DYSF: variants seen among roughly 807,000 people sequenced by gnomAD.
The protein encoded by DYSF is dystrophy-associated fer-1-like 1.
A neutral mutation model predicts 274.9 loss-of-function variants in DYSF; 212 were observed. The observed-to-expected ratio is 0.77, with a 90% confidence interval of 0.69 to 0.86. DYSF has a LOEUF of 0.86. Among genes scored for constraint, DYSF ranks in the 40% least tolerant of loss-of-function variants. DYSF has a pLI of 0.00. For synonymous variants in DYSF, 1,091 were observed against 1,078.7 expected, an observed-to-expected ratio of 1.01 and a Z score of -0.22; for missense variants, 2,666 against 2,783.2, an observed-to-expected ratio of 0.96 and a Z score of 0.95.
chr2:71,520,815 C>T lies in DYSF; in HGVS notation c.1060C>T (p.Leu354=), dbSNP rs369378511. Residue 354 remains leucine, a synonymous_variant, in exon 12 of 56, where the codon CTG becomes TTG. Coordinates refer to ENST00000410020, the MANE Select transcript of DYSF (RefSeq NM_001130987.2). ...GCACGCCTATCTCAGGAAGTGGCTG[C>T]TGCTCTCAGACCCTGATGACTTCTC... ...PRHAYLRKWL[L]LSDPDDFSAG... The T allele has an allele frequency of 3.1e-6, 5 of 1,613,766 alleles. No homozygotes were observed. The highest frequency in any genetic ancestry group is 4.2e-6 in the Non-Finnish European group (5 of 1,179,978).
chr2:71,506,299 G>A (rs182990492), intron 4 of DYSF, among the ~76,000 whole-genome samples: 393 of 152,268 alleles, frequency 2.6e-3, no homozygotes, highest in African/African-American at 9.2e-3. Flanking sequence ...GAGGTCATTC[G>A]CCTTCAGTTT....
chr2:71,632,356 G>T (rs2094328972), intron 41 of DYSF, among the ~76,000 whole-genome samples: 1 of 152,200 alleles, frequency 6.6e-6, no homozygotes, highest in Non-Finnish European at 1.5e-5. Flanking sequence ...TATTTGAAAA[G>T]TAATGTGATT....
intron 45 of DYSF, among the ~76,000 whole-genome samples, chr2:71,661,938 CA>C (rs2094888906): frequency 6.6e-6 from 1 of 152,034 alleles, no homozygotes; most frequent in Admixed American, 6.5e-5. Flanking sequence ...GTATGAGTTC[CA>C]GGGGCTGGCG....
intron 38 of DYSF, among the ~76,000 whole-genome samples, chr2:71,612,089 A>G (rs578197888): frequency 7.1e-4 from 108 of 152,218 alleles, no homozygotes; most frequent in Non-Finnish European, 1.3e-3. Flanking sequence ...TGGCCAGAGT[A>G]AGGCAGGTCT....
intron 41 of DYSF, among the ~76,000 whole-genome samples, chr2:71,623,524 AATCATTTG>A (rs1279004833): frequency 6.6e-6 from 1 of 152,158 alleles, no homozygotes; most frequent in Non-Finnish European, 1.5e-5. Flanking sequence ...TTTATTTGCC[AATCATTTG>A]ACATGTGCCA....
At chr2:71,669,058 C>A in intron 49 of DYSF, 54 bp from the exon 50 acceptor site, 3 of 1,494,256 alleles carry the variant, frequency 2.0e-6, no homozygotes, top group Non-Finnish European at 2.7e-6. Context: ...TTCTTAAGGC[C>A]TTCCCATCCT....
At chr2:71,655,365 AC>A (rs1433231895) in intron 42 of DYSF, among the ~76,000 whole-genome samples, 1 of 152,254 alleles carries the variant, frequency 6.6e-6, no homozygotes, top group Non-Finnish European at 1.5e-5. Context: ...CAAGGAAGAG[AC>A]AGAATTTGAG....
rs766137790 is a variant in DYSF, at chr2:71,517,039, G to C, written c.1002G>C (p.Arg334=). ...LRTDALLGEF[R]MDVGTIYREP... ...CAGATGCTCTCCTCGGGGAGTTCCGGGTAATTGCTTATTTTCTATGAAAGC... is the reference window on the plus strand; with the variant it reads ...CAGATGCTCTCCTCGGGGAGTTCCGCGTAATTGCTTATTTTCTATGAAAGC... The change falls in exon 10 of 56, where the codon CGG becomes CGC. Residue 334 remains arginine (R), a splice_region_variant and synonymous_variant. Transcript: ENST00000410020. 1 of 1,614,058 alleles carries C rather than the reference G, an allele frequency of 6.2e-7. No individual in the cohort carries two copies. Among genetic ancestry groups the C allele is most frequent in the Non-Finnish European group, 8.5e-7 (1 of 1,179,962 alleles).
intron 17 of DYSF, among the ~76,000 whole-genome samples, chr2:71,548,713 G>A (rs2090681945): frequency 6.6e-6 from 1 of 152,224 alleles, no homozygotes; most frequent in South Asian, 2.1e-4. Context: ...TGTGGACAGT[G>A]TCTGGCTCTG....
chr2:71,665,441 C>G, intron 47 of DYSF, 137 bp downstream of exon 47: 1 of 1,076,304 alleles, frequency 9.3e-7, no homozygotes, highest in Non-Finnish European at 1.4e-6. Flanking sequence ...CAGGGCAGCA[C>G]AGATGGGCTC....
intron 52 of DYSF, among the ~76,000 whole-genome samples, chr2:71,676,345 A>G (rs958740332): frequency 6.6e-6 from 1 of 151,956 alleles, no homozygotes; most frequent in Non-Finnish European, 1.5e-5. Flanking sequence ...TGCCAATAAG[A>G]TATTTCCTTT....
Position 71,513,297 on chromosome 2 carries a change from C to T in DYSF, c.518C>T (p.Thr173Met), listed in dbSNP as rs751654006. The part of the protein sequence containing the change: ...WSLLSDSTMD[T>M]RYSGKKWPAP... The stretch of plus-strand genomic sequence containing the variant: ...CTGCTCAGTGACAGCACCATGGACA[C>T]GAGATACTCTGGAAAGAAGTGGCCG... Residue 173 changes from threonine (T) to methionine (M), a missense_variant, in exon 6 of 56, where the codon ACG becomes ATG. By Grantham distance (81) the Thr-to-Met change is moderately conservative. Coordinates refer to ENST00000410020, the MANE Select transcript of DYSF (RefSeq NM_001130987.2). 2.3e-5 allele frequency: 36 copies of T among 1,551,646 alleles called. No individual in the cohort carries two copies. In the Middle Eastern group the frequency reaches 5.0e-4, roughly 22 times the overall value.
chr2:71,469,440 A>G (rs80105614), intron 1 of DYSF, among the ~76,000 whole-genome samples: 3,840 of 137,460 alleles, frequency 0.028, 162 homozygotes, highest in African/African-American at 0.092. Context: ...AGGTGTTTTG[A>G]ATGTGCAGTC....
rs1314586455 is a variant in DYSF at position 71,517,019 on chromosome 2, G to A, written c.982G>A (p.Ala328Thr). 1 of 1,614,184 alleles carries A rather than the reference G, an allele frequency of 6.2e-7. No individual in the cohort carries two copies. Among genetic ancestry groups the A allele is most frequent in the Admixed American group, 1.7e-5 (1 of 60,030 alleles). Residue 328 changes from alanine (A) to threonine (T), a missense_variant, in exon 10 of 56, where the codon GCT (alanine) becomes ACT (threonine). Around this residue, in one of 3 missense-constraint regions of DYSF, gnomAD observed 794 missense variants for 777.1 expected, o/e 1.02. Transcript: ENST00000410020. ...AGACTCTCGTTCTCTCAGGACAGAT[G>A]CTCTCCTCGGGGAGTTCCGGGTAAT... ...VVDSRSLRTD[A>T]LLGEFRMDVG... is the part of the protein sequence containing the mutation.
At chr2:71,477,131 A>G (rs1202864266) in intron 1 of DYSF, among the ~76,000 whole-genome samples, 1 of 152,160 alleles carries the variant, frequency 6.6e-6, no homozygotes, top group Non-Finnish European at 1.5e-5. Context: ...ATGAGAATGC[A>G]GGTTTTGATC....
chr2:71,456,207 G>C (rs1364070310), intron 1 of DYSF, among the ~76,000 whole-genome samples: 1 of 152,120 alleles, frequency 6.6e-6, no homozygotes, highest in Non-Finnish European at 1.5e-5. Flanking sequence ...TTGGGGAAAG[G>C]AAGTACATTT....
intron 52 of DYSF, among the ~76,000 whole-genome samples, chr2:71,677,267 G>A (rs998848317): frequency 7.2e-5 from 11 of 152,088 alleles, no homozygotes; most frequent in African/African-American, 1.2e-4. Context: ...TTTAATGTTC[G>A]GTTATAGTAA....
At chr2:71,542,050 G>C (rs1281684902) in intron 17 of DYSF, among the ~76,000 whole-genome samples, 3 of 152,166 alleles carry the variant, frequency 2.0e-5, no homozygotes, top group Non-Finnish European at 2.9e-5. Context: ...AGTGGGGAGA[G>C]CTCTAGCTCT....
intron 45 of DYSF, among the ~76,000 whole-genome samples, chr2:71,662,717 G>A (rs1444937987): frequency 1.3e-5 from 2 of 149,734 alleles, no homozygotes; most frequent in African/African-American, 4.9e-5. Context: ...TTGTATGTAT[G>A]TGTGTGTATG....
Sources: gnomAD v4.1 joint callset for allele counts (sites outside exome capture counted in the v4.1 genomes callset) on GRCh38, gnomAD v4.1.1 for gene constraint, gnomAD v4.1.1 regional missense constraint, MANE v1.5 for transcripts, NCBI Gene and HGNC (gene_info 2026-07-23, HGNC 2026-07-21) for gene names.